MAPK8: variants seen among roughly 807,000 people sequenced by gnomAD.
The protein encoded by MAPK8 is JUN N-terminal kinase.
A neutral mutation model predicts 52.9 loss-of-function variants in MAPK8; 13 were observed. The ratio of observed to expected loss-of-function variants is 0.25; its 90% CI spans 0.16 to 0.39. The LOEUF (loss-of-function observed/expected upper bound fraction) is 0.39, where lower values mean the gene tolerates loss of function less well. Among genes scored for constraint, MAPK8 ranks in the 10% least tolerant of loss-of-function variants. MAPK8 has a pLI of 1.00. For synonymous variants in MAPK8, 191 were observed against 169.8 expected (o/e 1.12, Z -0.97); for missense variants, 300 against 519.2 (o/e 0.58, Z 4.10).
chr10:48,434,927 G>A lies in MAPK8; in HGVS notation c.1182G>A (p.Ser394=), dbSNP rs149971269. ...INGSQHPSSS[S]SVNDVSSMST... is the part of the protein sequence containing the mutation. The stretch of plus-strand genomic sequence containing the variant: ...GCTCTCAGCATCCATCATCATCGTC[G>A]TCTGTCAATGATGTGTCTTCAATGT... Residue 394 remains serine, a synonymous_variant, in exon 12 of 12, where the codon TCG becomes TCA. Coordinates refer to ENST00000374189, the MANE Select transcript of MAPK8 (RefSeq NM_001323329.2). 25 of 1,613,114 alleles carry A rather than the reference G, an allele frequency of 1.5e-5. No homozygotes were observed. The highest frequency in any genetic ancestry group is 5.4e-5 in the African/African-American group (4 of 74,754).
chr10:48,333,145 C>G (rs1844314555), intron 1 of MAPK8, among the ~76,000 whole-genome samples: 1 of 152,230 alleles, frequency 6.6e-6, no homozygotes, highest in Non-Finnish European at 1.5e-5. Context: ...CAGTTATGAT[C>G]TGATGTCTCT....
intron 1 of MAPK8, among the ~76,000 whole-genome samples, chr10:48,380,376 G>C (rs1336980648): frequency 6.6e-6 from 1 of 152,200 alleles, no homozygotes; most frequent in East Asian, 1.9e-4. Flanking sequence ...TTTCTTGTCT[G>C]ACAGTGCTTT....
chr10:48,420,125 C>A (rs1292170681), intron 5 of MAPK8, 30 bp from the exon 6 acceptor site: 2 of 1,529,078 alleles, frequency 1.3e-6, no homozygotes, highest in East Asian at 4.5e-5. Flanking sequence ...TATATCATGG[C>A]AGTCATTTTT....
Position 48,371,186 on chromosome 10 carries a change from T to A in MAPK8, c.-49-30426T>A, listed in dbSNP as rs550919947. ...TTAAAATCTCCCCAATATACTGATA[T>A]TTTTAAAATAACTTTAATTTGCTTT... On this transcript the variant is annotated intron_variant, in intron 1 of 11. Transcript: ENST00000374189. Among the ~76,000 whole-genome samples the A allele has an allele frequency of 2.6e-5, 4 of 152,306 alleles. No individual in the cohort carries two copies. In the South Asian group the frequency reaches 8.3e-4, roughly 32 times the overall value.
intron 1 of MAPK8, among the ~76,000 whole-genome samples, chr10:48,313,315 C>G (rs1842158830): frequency 6.6e-6 from 1 of 152,000 alleles, no homozygotes; most frequent in South Asian, 2.1e-4. Context: ...CGCCTGTAAT[C>G]CCAGCTACTT....
chr10:48,351,581 T>TA (rs531049314), intron 1 of MAPK8, among the ~76,000 whole-genome samples: 29 of 149,632 alleles, frequency 1.9e-4, no homozygotes, highest in African/African-American at 2.9e-4. Context: ...TGAAATAAAT[T>TA]AAAAAAAAAG....
At chr10:48,425,836 T>TTGTA (rs367743943) in intron 7 of MAPK8, 52 bp from the exon 8 acceptor site, 5 of 1,005,300 alleles carry the variant, frequency 5.0e-6, no homozygotes, top group East Asian at 2.5e-5. Context: ...TGAATATGAC[T>TTGTA]AATGTATTGA....
intron 1 of MAPK8, among the ~76,000 whole-genome samples, chr10:48,316,497 T>C (rs560816067): frequency 6.6e-6 from 1 of 152,344 alleles, no homozygotes; most frequent in Admixed American, 6.5e-5. Flanking sequence ...TCTATGTGCT[T>C]AGCACCCAGA....
intron 5 of MAPK8, among the ~76,000 whole-genome samples, chr10:48,417,594 A>C (rs567688214): frequency 6.6e-6 from 1 of 152,312 alleles, no homozygotes; most frequent in African/African-American, 2.4e-5. Flanking sequence ...AAACTGAAGC[A>C]TACACCAGAG....
intron 1 of MAPK8, among the ~76,000 whole-genome samples, chr10:48,316,196 G>T (rs1842482719): frequency 6.6e-6 from 1 of 152,116 alleles, no homozygotes; most frequent in Non-Finnish European, 1.5e-5. Context: ...ATGTGACAGT[G>T]GTCCCATAAA....
intron 1 of MAPK8, among the ~76,000 whole-genome samples, chr10:48,342,707 G>A (rs1479792875): frequency 2.6e-5 from 4 of 152,128 alleles, no homozygotes; most frequent in African/African-American, 4.8e-5. Flanking sequence ...AGTAGTTGTG[G>A]GTAATGGAAT....
At chr10:48,427,338 C>T (rs1236551948) in intron 10 of MAPK8, 195 bp downstream of exon 10, 1 of 473,082 alleles carries the variant, frequency 2.1e-6, no homozygotes, top group African/African-American at 2.0e-5. Flanking sequence ...AGTTTCCCAC[C>T]CCAGACACAG....
chr10:48,433,894 T>C (rs1296632030), intron 11 of MAPK8, among the ~76,000 whole-genome samples: 1 of 152,220 alleles, frequency 6.6e-6, no homozygotes, highest in South Asian at 2.1e-4. Flanking sequence ...TTGAAGACCA[T>C]TGATTTTATT....
At chr10:48,359,064 A>G (rs1273315390) in intron 1 of MAPK8, among the ~76,000 whole-genome samples, 1 of 152,162 alleles carries the variant, frequency 6.6e-6, no homozygotes, top group Non-Finnish European at 1.5e-5. Context: ...TCTTATAAAA[A>G]ACCCGACTTT....
chr10:48,412,291 G>C (rs369412873), intron 5 of MAPK8, among the ~76,000 whole-genome samples: 4 of 152,038 alleles, frequency 2.6e-5, no homozygotes, highest in Non-Finnish European at 5.9e-5. Flanking sequence ...TTTGTCTTTC[G>C]CTTTCAACAG....
chr10:48,410,884 G>A (rs949301631), intron 5 of MAPK8, among the ~76,000 whole-genome samples: 6 of 152,118 alleles, frequency 3.9e-5, no homozygotes, highest in Non-Finnish European at 7.4e-5. Flanking sequence ...GACTAATAAT[G>A]TTGGGCATTT....
Position 48,329,057 on chromosome 10 carries a change from T to A in MAPK8, c.-50+22236T>A, listed in dbSNP as rs569989896. On this transcript the variant is annotated intron_variant, in intron 1 of 11. Coordinates refer to ENST00000374189, the MANE Select transcript of MAPK8 (RefSeq NM_001323329.2). ...CAAATAGTAACTCATTTAATTATTT[T>A]AACCTTGCTGGTAGATATGGTTATT... is the stretch of plus-strand genomic sequence containing the variant. 2.0e-4 allele frequency among the ~76,000 whole-genome samples: 30 copies of A among 152,356 alleles called. 1 individual carries two copies. In the South Asian group the frequency reaches 6.2e-3, roughly 32 times the overall value.
intron 11 of MAPK8, among the ~76,000 whole-genome samples, chr10:48,432,240 GA>G (rs1320540029): frequency 6.6e-6 from 1 of 152,004 alleles, no homozygotes; most frequent in Non-Finnish European, 1.5e-5. Flanking sequence ...TACTTTTGAG[GA>G]AAAAAATAGA....
At chr10:48,355,702 A>C (rs1242530752) in intron 1 of MAPK8, among the ~76,000 whole-genome samples, 1 of 152,202 alleles carries the variant, frequency 6.6e-6, no homozygotes, top group Non-Finnish European at 1.5e-5. Flanking sequence ...ATGGTAAACA[A>C]CAGTTAAAAG....
Sources: allele counts gnomAD v4.1 joint callset (sites outside exome capture counted in the v4.1 genomes callset), GRCh38; gene constraint gnomAD v4.1.1; transcripts MANE v1.5; gene names NCBI Gene and HGNC (gene_info 2026-07-23, HGNC 2026-07-21).